Variants in ANKS1B observed in about 807,000 individuals in gnomAD.
ANKS1B encodes ankyrin repeat and sterile alpha motif domain containing 1B.
In ANKS1B, 36 loss-of-function variants were observed where a neutral mutation model predicts 148.3. That is an observed-to-expected ratio of 0.24 (90% confidence interval 0.19 to 0.32). ANKS1B has a LOEUF of 0.32. Among genes scored for constraint, ANKS1B ranks in the 10% least tolerant of loss-of-function variants. ANKS1B has a pLI of 1.00. For synonymous variants in ANKS1B, 542 were observed against 560.8 expected (o/e 0.97, Z 0.47); for missense variants, 1,157 against 1,542.6 (o/e 0.75, Z 4.19).
intron 11 of ANKS1B, among the ~76,000 whole-genome samples, chr12:99,425,291 TA>T (rs1415052866): frequency 1.3e-5 from 2 of 152,028 alleles, no homozygotes; most frequent in Non-Finnish European, 2.9e-5. Flanking sequence ...TTCATATGAT[TA>T]AATTAGCTTT....
chr12:98,745,686 C>A lies in ANKS1B; in HGVS notation c.*53G>T. On this transcript the variant is annotated 3_prime_UTR_variant, in exon 27 of 27. Transcript: ENST00000683438. ...ACGCGGAGGCGCGAAGGAAAGCCTG[C>A]TCCGGGACCGCTTGGCGAGCAAGGC... 1 of 1,601,864 alleles carries A rather than the reference C, an allele frequency of 6.2e-7. No individual in the cohort carries two copies. Among genetic ancestry groups the A allele is most frequent in the Non-Finnish European group, 8.5e-7 (1 of 1,173,634 alleles).
chr12:98,794,505 T>C (rs2098929395), intron 22 of ANKS1B: 1 of 579,590 alleles, frequency 1.7e-6, no homozygotes, highest in South Asian at 1.8e-5. Flanking sequence ...AGAAGTGTTA[T>C]TTCTGTCTGG....
At chr12:98,853,332 C>T (rs1315789605) in intron 17 of ANKS1B, among the ~76,000 whole-genome samples, 1 of 152,130 alleles carries the variant, frequency 6.6e-6, no homozygotes, top group East Asian at 1.9e-4. Context: ...TAGAGTGGCC[C>T]CTAACTGGGG....
In ANKS1B at chr12:99,607,741, T is replaced by C. The variant is rs2097861716; in HGVS notation, c.1272+47326A>G. 3.3e-5 allele frequency among the ~76,000 whole-genome samples: 5 copies of C among 152,252 alleles called. No homozygotes were observed. In the South Asian group the frequency reaches 1.0e-3, roughly 32 times the overall value. ...TTTCTAAACATTTTTTTCTTTCTGATGACAGTCATCTCCCTGAATTTTGTA... is the reference window on the plus strand; with the variant it reads ...TTTCTAAACATTTTTTTCTTTCTGACGACAGTCATCTCCCTGAATTTTGTA... On this transcript the variant is annotated intron_variant, in intron 9 of 26. Coordinates refer to ENST00000683438, the MANE Select transcript of ANKS1B (RefSeq NM_001352186.2).
intron 17 of ANKS1B, among the ~76,000 whole-genome samples, chr12:99,031,205 T>C (rs1356220301): frequency 6.6e-6 from 1 of 152,232 alleles, no homozygotes; most frequent in African/African-American, 2.4e-5. Context: ...TTACACCTTC[T>C]AGACATATTC....
intron 9 of ANKS1B, among the ~76,000 whole-genome samples, chr12:99,583,887 C>T (rs2097595732): frequency 6.6e-6 from 1 of 152,210 alleles, no homozygotes; most frequent in African/African-American, 2.4e-5. Flanking sequence ...CATTTCTTCA[C>T]AGCAATACTG....
At chr12:99,493,935 T>C (rs1215998877) in intron 10 of ANKS1B, among the ~76,000 whole-genome samples, 5 of 152,152 alleles carry the variant, frequency 3.3e-5, no homozygotes, top group African/African-American at 9.7e-5. Context: ...AGCCGTACTA[T>C]AGATGAGATA....
chr12:99,929,092 A>G (rs1001405630), intron 1 of ANKS1B, among the ~76,000 whole-genome samples: 1 of 152,256 alleles, frequency 6.6e-6, no homozygotes, highest in Non-Finnish European at 1.5e-5. Context: ...CAACAGCATC[A>G]TGAGAACAGG....
At chr12:98,764,813 T>C (rs986565773) in intron 25 of ANKS1B, among the ~76,000 whole-genome samples, 2 of 152,192 alleles carry the variant, frequency 1.3e-5, no homozygotes, top group African/African-American at 4.8e-5. Context: ...GTCCCTCCTC[T>C]TGGAGAGCCC....
chr12:98,798,631 A>T (rs2098973275), intron 22 of ANKS1B, among the ~76,000 whole-genome samples: 2 of 152,204 alleles, frequency 1.3e-5, no homozygotes, highest in Non-Finnish European at 1.5e-5. Context: ...TGCGTGCTTA[A>T]AACCTTTTGT....
chr12:99,864,282 C>T (rs1467145504), intron 1 of ANKS1B, among the ~76,000 whole-genome samples: 2 of 151,974 alleles, frequency 1.3e-5, no homozygotes, highest in African/African-American at 4.8e-5. Flanking sequence ...TGTGATCCTC[C>T]TCCTCCAATT....
chr12:99,244,808 G>A (rs1026561245), intron 13 of ANKS1B, among the ~76,000 whole-genome samples: 4 of 152,146 alleles, frequency 2.6e-5, no homozygotes, highest in Admixed American at 2.6e-4. Flanking sequence ...CATCTAACTG[G>A]TAAAGGAGCA....
At chr12:98,940,479 T>G (rs1386503589) in intron 17 of ANKS1B, among the ~76,000 whole-genome samples, 2 of 152,210 alleles carry the variant, frequency 1.3e-5, no homozygotes, top group African/African-American at 2.4e-5. Context: ...GCTGAAACTG[T>G]TACTTCAGAA....
chr12:98,902,795 A>G, intron 17 of ANKS1B, among the ~76,000 whole-genome samples: 1 of 152,210 alleles, frequency 6.6e-6, no homozygotes, highest in East Asian at 1.9e-4. Context: ...TAATTATTCA[A>G]CCAGAGAATC....
In ANKS1B at chr12:99,612,305, C is replaced by T. The variant is rs978351831; in HGVS notation, c.1272+42762G>A. Among the ~76,000 whole-genome samples the T allele has an allele frequency of 7.9e-5, 12 of 152,244 alleles. No homozygotes were observed. The South Asian group carries it at 1.9e-3, about 24-fold the overall frequency. Reference sequence around the variant, plus strand: ...AAGTGATCTATGATGTCTTCAATAACAACCACCACCACAAAATAATGGCTA... The same window carrying T: ...AAGTGATCTATGATGTCTTCAATAATAACCACCACCACAAAATAATGGCTA... On this transcript the variant is annotated intron_variant, in intron 9 of 26. Transcript: ENST00000683438.
chr12:98,761,616 A>AG (rs1425468277), intron 25 of ANKS1B, among the ~76,000 whole-genome samples: 1 of 152,174 alleles, frequency 6.6e-6, no homozygotes, highest in Non-Finnish European at 1.5e-5. Flanking sequence ...ATGTATATAT[A>AG]TATTTTCAGA....
intron 16 of ANKS1B, among the ~76,000 whole-genome samples, chr12:99,074,913 C>T (rs2047363760): frequency 1.3e-5 from 2 of 152,138 alleles, no homozygotes; most frequent in African/African-American, 4.8e-5. Context: ...AGATCCTAAT[C>T]TTGAGTAAGA....
intron 8 of ANKS1B, 90 bp from the exon 9 acceptor site, chr12:99,655,300 T>C: frequency 8.2e-7 from 1 of 1,214,454 alleles, no homozygotes; most frequent in Non-Finnish European, 1.1e-6. Context: ...GACAGTGGTA[T>C]ATCTCGGCAA....
intron 9 of ANKS1B, among the ~76,000 whole-genome samples, chr12:99,646,040 AAAG>A (rs1444317791): frequency 1.3e-5 from 2 of 151,932 alleles, no homozygotes; most frequent in African/African-American, 2.4e-5. Context: ...AAAAAAAAAA[AAAG>A]GCACTTAAAT....
Sources: allele counts gnomAD v4.1 joint callset (sites outside exome capture counted in the v4.1 genomes callset), GRCh38; gene constraint gnomAD v4.1.1; transcripts MANE v1.5; gene names NCBI Gene and HGNC (gene_info 2026-07-23, HGNC 2026-07-21).